The following QTMAN variants were observed in gnomAD, a reference collection of about 807,000 sequenced individuals.
QTMAN encodes tRNA-queuosine alpha-mannosyltransferase.
the QTMAN span, among the ~76,000 whole-genome samples, chr2:144,073,292 A>G: frequency 6.6e-6 from 1 of 150,754 alleles, no homozygotes; most frequent in East Asian, 1.9e-4. Flanking sequence ...TGTAAACTGA[A>G]TATCCTGGCA....
the QTMAN span, among the ~76,000 whole-genome samples, chr2:144,322,339 G>C: frequency 6.6e-6 from 1 of 152,038 alleles, no homozygotes; most frequent in East Asian, 1.9e-4. Flanking sequence ...AATTAAATGA[G>C]AAAAAGTTTA....
At chr2:144,093,842 G>T in the QTMAN span, among the ~76,000 whole-genome samples, 1 of 151,986 alleles carries the variant, frequency 6.6e-6, no homozygotes, top group Admixed American at 6.6e-5. Context: ...CCCAGTGCTT[G>T]GTACACAACC....
the QTMAN span, among the ~76,000 whole-genome samples, chr2:144,284,161 A>G: frequency 6.6e-6 from 1 of 152,058 alleles, no homozygotes; most frequent in East Asian, 1.9e-4. Context: ...TAAAATGGTA[A>G]TACTTTGTGG....
the QTMAN span, among the ~76,000 whole-genome samples, chr2:144,319,485 T>A: frequency 1.3e-5 from 2 of 152,088 alleles, no homozygotes; most frequent in African/African-American, 4.8e-5. Flanking sequence ...AATGATAATA[T>A]AATACACATT....
the QTMAN span, among the ~76,000 whole-genome samples, chr2:144,176,431 A>G: frequency 6.6e-6 from 1 of 152,186 alleles, no homozygotes; most frequent in South Asian, 2.1e-4. Context: ...TATTAAAGTC[A>G]GCTACAAGAC....
chr2:144,045,277 G>T, the QTMAN span, among the ~76,000 whole-genome samples: 1 of 152,210 alleles, frequency 6.6e-6, no homozygotes, highest in African/African-American at 2.4e-5. Flanking sequence ...AATGTTGAAT[G>T]TCTACATCGG....
At chr2:144,117,138 T>G in the QTMAN span, among the ~76,000 whole-genome samples, 3 of 152,206 alleles carry the variant, frequency 2.0e-5, 1 homozygote, top group African/African-American at 7.2e-5. Flanking sequence ...CTTCTATATA[T>G]TTAACAGGTG....
chr2:143,993,426 C>T, the QTMAN span, among the ~76,000 whole-genome samples: 1 of 150,898 alleles, frequency 6.6e-6, no homozygotes, highest in Non-Finnish European at 1.5e-5. Flanking sequence ...GGGGGGGGGA[C>T]TTTGCAGATA....
the QTMAN span, among the ~76,000 whole-genome samples, chr2:144,209,737 T>C: frequency 1.8e-4 from 28 of 152,328 alleles, no homozygotes; most frequent in South Asian, 2.5e-3. Flanking sequence ...TATATGTTAT[T>C]TCCTGTAAGA....
At chr2:144,262,207 CA>C in the QTMAN span, among the ~76,000 whole-genome samples, 2 of 152,018 alleles carry the variant, frequency 1.3e-5, no homozygotes, top group Non-Finnish European at 2.9e-5. Flanking sequence ...GCTCCAGCAC[CA>C]ACATTTACCA....
chr2:144,032,749 G>A, the QTMAN span, among the ~76,000 whole-genome samples: 1 of 152,196 alleles, frequency 6.6e-6, no homozygotes, highest in East Asian at 1.9e-4. Flanking sequence ...ATAAATTCTT[G>A]ACTTACTTTC....
chr2:144,133,189 AT>A, the QTMAN span, among the ~76,000 whole-genome samples: 1 of 57,186 alleles, frequency 1.7e-5, no homozygotes, highest in African/African-American at 1.3e-4. Flanking sequence ...TATAATATAA[AT>A]TTATATATAT....
chr2:144,229,688 G>A, the QTMAN span, among the ~76,000 whole-genome samples: 14 of 152,218 alleles, frequency 9.2e-5, no homozygotes, highest in Non-Finnish European at 1.6e-4. Context: ...GTTAGGCGTG[G>A]GGGGAAGAAA....
At chr2:144,106,216 G>C in the QTMAN span, among the ~76,000 whole-genome samples, 1 of 152,162 alleles carries the variant, frequency 6.6e-6, no homozygotes, top group Non-Finnish European at 1.5e-5. Flanking sequence ...AAAATCACCA[G>C]CTAACATCAT....
At chr2:144,007,333 G>T in the QTMAN span, 1 of 1,613,256 alleles carries the variant, frequency 6.2e-7, no homozygotes, top group Non-Finnish European at 8.5e-7. Flanking sequence ...TCTGATTCCT[G>T]TCTTAATGAG....
At chr2:144,046,218 T>C in the QTMAN span, among the ~76,000 whole-genome samples, 1 of 152,338 alleles carries the variant, frequency 6.6e-6, no homozygotes, top group Middle Eastern at 3.4e-3. Context: ...TGAGAAATGA[T>C]GCTAATATTA....
At chr2:144,197,185 C>G in the QTMAN span, among the ~76,000 whole-genome samples, 1 of 152,030 alleles carries the variant, frequency 6.6e-6, no homozygotes, top group African/African-American at 2.4e-5. Flanking sequence ...TATCTAAGCA[C>G]AGAAAAGGTA....
the QTMAN span, among the ~76,000 whole-genome samples, chr2:144,001,388 A>G: frequency 6.6e-6 from 1 of 151,904 alleles, no homozygotes; most frequent in African/African-American, 2.4e-5. Flanking sequence ...TTAGTTCTCA[A>G]TGATTGGACT....
At chr2:143,995,723 G>A in the QTMAN span, among the ~76,000 whole-genome samples, 1 of 152,212 alleles carries the variant, frequency 6.6e-6, no homozygotes, top group South Asian at 2.1e-4. Flanking sequence ...AAATCAGGAA[G>A]CTTAAAATAT....
Sources: allele counts gnomAD v4.1 joint callset (sites outside exome capture counted in the v4.1 genomes callset), GRCh38; gene constraint gnomAD v4.1.1; transcripts MANE v1.5; gene names NCBI Gene and HGNC (gene_info 2026-07-23, HGNC 2026-07-21).